The following KRAS variants were observed in gnomAD, a reference collection of about 807,000 sequenced individuals.
KRAS encodes the protein KRas proto-oncogene, GTPase, also known as GTPase KRas.
KRAS carries 1 observed loss-of-function variant against 21.0 expected under a neutral mutation model. The observed-to-expected ratio is 0.05, with a 90% CI of 0.02 to 0.23. The LOEUF (loss-of-function observed/expected upper bound fraction) is 0.23, where lower values mean the gene tolerates loss of function less well. Ranked by LOEUF, KRAS falls within the 10% of genes least tolerant of loss-of-function variation. The probability of loss-of-function intolerance (pLI) is 1.00; values close to 1 mark genes in which losing one functional copy is unlikely to be tolerated. For missense variants in KRAS, 107 were observed against 221.8 expected (o/e 0.48, Z 3.29); for synonymous variants, 67 against 72.5 (o/e 0.92, Z 0.39).
intron 4 of KRAS, among the ~76,000 whole-genome samples, chr12:25,221,319 G>T (rs567248871): frequency 6.7e-6 from 1 of 149,958 alleles, no homozygotes; most frequent in South Asian, 2.1e-4. Flanking sequence ...TACAGCCTCT[G>T]CCTCTCAGGT....
chr12:25,218,528 C>T (rs10842508), intron 4 of KRAS, among the ~76,000 whole-genome samples: 36,329 of 151,710 alleles, frequency 0.24, 4,463 homozygotes, highest in Admixed American at 0.28. Context: ...ATTAACAGCA[C>T]AGGGTGACTT....
chr12:25,220,918 G>C (rs1203933473), intron 4 of KRAS, among the ~76,000 whole-genome samples: 2 of 150,370 alleles, frequency 1.3e-5, no homozygotes, highest in Admixed American at 6.6e-5. Context: ...CCAGCTGCTC[G>C]GGAGGCTGAG....
At chr12:25,249,640 G>A (rs1951739254) in intron 1 of KRAS, among the ~76,000 whole-genome samples, 2 of 144,770 alleles carry the variant, frequency 1.4e-5, no homozygotes, top group Non-Finnish European at 3.0e-5. Flanking sequence ...TATTTCAGGC[G>A]GTTAGCTGGT....
rs141115800 is a variant in KRAS, at chr12:25,243,350, G to A, written c.111+1924C>T. ...AGGTGACTAAACTACGTCAGGGACCGTCAGTTTCAAAGTTCACAGGTAACC... is the reference window on the plus strand; with the variant it reads ...AGGTGACTAAACTACGTCAGGGACCATCAGTTTCAAAGTTCACAGGTAACC... On this transcript the variant is annotated intron_variant, in intron 2 of 4. Coordinates refer to ENST00000311936, the MANE Select transcript of KRAS (RefSeq NM_004985.5). Among the ~76,000 whole-genome samples the A allele has an allele frequency of 1.2e-4, 18 of 152,264 alleles. 1 individual carries two copies. The highest frequency in any genetic ancestry group is 3.1e-4 in the African/African-American group (13 of 41,566).
chr12:25,215,954 C>T (rs1337244306), intron 4 of KRAS, among the ~76,000 whole-genome samples: 1 of 152,100 alleles, frequency 6.6e-6, no homozygotes, highest in African/African-American at 2.4e-5. Context: ...GATTTATATA[C>T]TATCGATTCC....
intron 1 of KRAS, among the ~76,000 whole-genome samples, chr12:25,249,590 T>TAAAAAAAAAAAAAA (rs1951737131): frequency 4.9e-4 from 1 of 2,050 alleles, no homozygotes; most frequent in Non-Finnish European, 5.0e-3. Flanking sequence ...AGACTGTGTC[T>TAAAAAAAAAAAAAA]CAAAAAAAAA....
At chr12:25,233,639 T>TTA (rs1391978253) in intron 2 of KRAS, among the ~76,000 whole-genome samples, 1 of 152,234 alleles carries the variant, frequency 6.6e-6, no homozygotes, top group Non-Finnish European at 1.5e-5. Context: ...ATAGCATGTA[T>TTA]TATAATTTGT....
At chr12:25,226,602 A>T (rs1951395344) in intron 3 of KRAS, among the ~76,000 whole-genome samples, 2 of 152,210 alleles carry the variant, frequency 1.3e-5, no homozygotes, top group African/African-American at 2.4e-5. Context: ...TCTTATAACT[A>T]GGCTAACTCG....
intron 4 of KRAS, among the ~76,000 whole-genome samples, chr12:25,221,304 C>T (rs1346735677): frequency 1.3e-5 from 2 of 150,372 alleles, no homozygotes; most frequent in East Asian, 2.0e-4. Flanking sequence ...TTGATCTGGG[C>T]TCACTACAGC....
chr12:25,219,710 G>A (rs147269117), intron 4 of KRAS, among the ~76,000 whole-genome samples: 297 of 152,304 alleles, frequency 2.0e-3, no homozygotes, highest in African/African-American at 6.4e-3. Context: ...CCTATCTCAT[G>A]TACTATTGAA....
rs752751153 is a variant in KRAS at position 25,208,457 on chromosome 12, G to A, written c.*1338C>T. The A allele has an allele frequency of 2.6e-5, 6 of 233,054 alleles. No homozygotes were observed. The highest frequency in any genetic ancestry group is 4.2e-5 in the Non-Finnish European group (5 of 117,878). 14.4% of individuals were successfully genotyped at this position (233,054 alleles called of 1,614,324 possible). On this transcript the variant is annotated 3_prime_UTR_variant, in exon 5 of 5. Transcript: ENST00000311936. Reference sequence around the variant, plus strand: ...GCAATGTTAATTTAACCAGTGTTAAGAGAACTAGCCAAACCTAGAGATTGT... The same window carrying A: ...GCAATGTTAATTTAACCAGTGTTAAAAGAACTAGCCAAACCTAGAGATTGT...
intron 2 of KRAS, among the ~76,000 whole-genome samples, chr12:25,242,683 G>A (rs1951625580): frequency 6.6e-6 from 1 of 152,126 alleles, no homozygotes; most frequent in Non-Finnish European, 1.5e-5. Flanking sequence ...TTAGATAGCA[G>A]GCTAAGTTCA....
At chr12:25,221,616 T>C (rs1951327216) in intron 4 of KRAS, among the ~76,000 whole-genome samples, 2 of 152,174 alleles carry the variant, frequency 1.3e-5, no homozygotes, top group African/African-American at 4.8e-5. Context: ...ATGCAACAGA[T>C]ACCACTTGTG....
At chr12:25,246,485 G>C (rs1237088126) in intron 1 of KRAS, among the ~76,000 whole-genome samples, 3 of 152,072 alleles carry the variant, frequency 2.0e-5, no homozygotes, top group Admixed American at 2.0e-4. Flanking sequence ...TTGAACCCGG[G>C]AGGCAGAGGT....
chr12:25,215,963 C>T (rs1951250250), intron 4 of KRAS, among the ~76,000 whole-genome samples: 1 of 152,082 alleles, frequency 6.6e-6, no homozygotes, highest in African/African-American at 2.4e-5. Flanking sequence ...ACTATCGATT[C>T]CCACACCCTC....
intron 4 of KRAS, among the ~76,000 whole-genome samples, chr12:25,223,142 A>AT (rs1426419179): frequency 7.7e-4 from 118 of 152,332 alleles, no homozygotes; most frequent in African/African-American, 2.7e-3. Context: ...AAAGTCTCTT[A>AT]AATTTTTTCT....
Position 25,234,886 on chromosome 12 carries a change from T to A in KRAS, c.112-7474A>T, listed in dbSNP as rs1592815094. On this transcript the variant is annotated intron_variant, in intron 2 of 4. Coordinates refer to ENST00000311936, the MANE Select transcript of KRAS (RefSeq NM_004985.5). ...GTATCAAAACAAAACAATATATACA[T>A]TCCAAGTATAGATTTTGTTTACTAT... is the stretch of plus-strand genomic sequence containing the variant. 1.3e-5 allele frequency: 3 copies of A among 230,500 alleles called. No homozygotes were observed. The East Asian group carries it at 2.0e-4, about 15-fold the overall frequency. 14.3% of individuals were successfully genotyped at this position (230,500 alleles called of 1,614,324 possible). A position where few individuals can be genotyped will look rare whatever the true frequency, so the allele number is the denominator to read the frequency against.
chr12:25,213,222 T>C (rs1003187415), intron 4 of KRAS, among the ~76,000 whole-genome samples: 2 of 152,188 alleles, frequency 1.3e-5, no homozygotes, highest in African/African-American at 4.8e-5. Flanking sequence ...TAAAACATAA[T>C]TTGCACAAAT....
In KRAS at chr12:25,249,591, CAAA is replaced by C. The variant is rs71065929; in HGVS notation, c.-12+1157_-12+1159del. 6.6e-5 allele frequency among the ~76,000 whole-genome samples: 4 copies of C among 60,820 alleles called. 1 individual carries two copies. Among genetic ancestry groups the C allele is most frequent in the South Asian group, 8.3e-4 (1 of 1,212 alleles). The allele number at this position is 60,820 out of a possible 152,430, so 39.9% of individuals were successfully genotyped here. A position where few individuals can be genotyped will look rare whatever the true frequency, so the allele number is the denominator to read the frequency against. On this transcript the variant is annotated intron_variant, in intron 1 of 4. Coordinates refer to ENST00000311936, the MANE Select transcript of KRAS (RefSeq NM_004985.5). ...TGGGCAACAGAGCGAGACTGTGTCT[CAAA>C]AAAAAAAAAAAAAAGGAGATGCACA...
Sources: allele counts gnomAD v4.1 joint callset (sites outside exome capture counted in the v4.1 genomes callset), GRCh38; gene constraint gnomAD v4.1.1; transcripts MANE v1.5; gene names NCBI Gene and HGNC (gene_info 2026-07-23, HGNC 2026-07-21).